DCLK2: variants seen among roughly 807,000 people sequenced by gnomAD.
The protein encoded by DCLK2 is serine/threonine-protein kinase DCLK2.
Under a neutral mutation model 78.4 loss-of-function variants are expected in DCLK2, and 31 were observed. The observed-to-expected ratio is 0.40, with a 90% CI of 0.30 to 0.53. The LOEUF is 0.53. Ranked by LOEUF, DCLK2 falls within the 20% of genes least tolerant of loss-of-function variation. The pLI, the probability that DCLK2 is intolerant of heterozygous loss-of-function variation, is 0.61. For synonymous variants in DCLK2, 407 were observed against 374.9 expected, an observed-to-expected ratio of 1.09 and a Z score of -0.99; for missense variants, 872 against 973.7, an observed-to-expected ratio of 0.90 and a Z score of 1.39.
chr4:150,130,969 A>ATGT (rs1733270360), intron 2 of DCLK2, among the ~76,000 whole-genome samples: 1 of 152,174 alleles, frequency 6.6e-6, no homozygotes, highest in East Asian at 1.9e-4. Flanking sequence ...GGGCCACTAA[A>ATGT]TGTTGAACAA....
intron 2 of DCLK2, among the ~76,000 whole-genome samples, chr4:150,112,241 G>A (rs566619938): frequency 1.7e-4 from 26 of 152,102 alleles, no homozygotes; most frequent in Admixed American, 2.6e-4. Context: ...ATAAAGGATT[G>A]GAGTCTTGAT....
intron 15 of DCLK2, chr4:150,253,150 G>C (rs1744307657): frequency 2.1e-6 from 1 of 467,098 alleles, no homozygotes; most frequent in Admixed American, 2.4e-5. Context: ...TGTGTGTCCT[G>C]TCTTCGGAAC....
intron 2 of DCLK2, among the ~76,000 whole-genome samples, chr4:150,111,739 C>G (rs1186641676): frequency 1.3e-5 from 2 of 152,082 alleles, no homozygotes; most frequent in Non-Finnish European, 2.9e-5. Flanking sequence ...AAAAGGGTTT[C>G]CTTTCCCCAG....
chr4:150,106,692 G>C (rs1731280566), intron 2 of DCLK2, among the ~76,000 whole-genome samples: 1 of 152,156 alleles, frequency 6.6e-6, no homozygotes, highest in Admixed American at 6.5e-5. Flanking sequence ...GTTTTAAGGG[G>C]CTGGTTATCC....
intron 5 of DCLK2, among the ~76,000 whole-genome samples, chr4:150,211,631 A>G (rs1740327726): frequency 6.6e-6 from 1 of 152,142 alleles, no homozygotes; most frequent in Admixed American, 6.5e-5. Flanking sequence ...GAGGGCTGCC[A>G]GAGTCTCACC....
intron 15 of DCLK2, among the ~76,000 whole-genome samples, chr4:150,254,982 A>G (rs571781500): frequency 7.2e-5 from 11 of 152,258 alleles, no homozygotes; most frequent in Non-Finnish European, 1.0e-4. Flanking sequence ...CCGGCCAGAA[A>G]TGGATGACTG....
At chr4:150,085,839 C>T (rs1037569669) in intron 1 of DCLK2, among the ~76,000 whole-genome samples, 3 of 152,176 alleles carry the variant, frequency 2.0e-5, no homozygotes, top group African/African-American at 7.2e-5. Context: ...GTTTATAAGT[C>T]ACTCTGTTTT....
intron 2 of DCLK2, among the ~76,000 whole-genome samples, chr4:150,171,555 G>A (rs1362706161): frequency 1.3e-5 from 2 of 152,196 alleles, no homozygotes; most frequent in Non-Finnish European, 1.5e-5. Flanking sequence ...TTTAGAAAAA[G>A]GTCAAAATTA....
intron 5 of DCLK2, 147 bp from the exon 6 acceptor site, chr4:150,220,556 G>C (rs1560882317): frequency 4.8e-6 from 3 of 619,562 alleles, no homozygotes; most frequent in Non-Finnish European, 8.7e-6. Context: ...TGTGCATAAG[G>C]AGAGAGGTGA....
At chr4:150,131,059 G>C (rs1390014876) in intron 2 of DCLK2, among the ~76,000 whole-genome samples, 1 of 152,050 alleles carries the variant, frequency 6.6e-6, no homozygotes, top group African/African-American at 2.4e-5. Flanking sequence ...ATCTTGCTTG[G>C]TTGCCCAGGC....
Position 150,078,918 on chromosome 4 carries a change from C to T in DCLK2, c.-110C>T. 4.5e-6 allele frequency: 6 copies of T among 1,342,060 alleles called. No individual in the cohort carries two copies. Among genetic ancestry groups the T allele is most frequent in the Non-Finnish European group, 5.9e-6 (6 of 1,022,486 alleles). The allele number at this position is 1,342,060 out of a possible 1,614,324, so 83.1% of individuals were successfully genotyped here. The stretch of plus-strand genomic sequence containing the variant: ...CGCGGAGAGGGCGGGATGCCAGAGC[C>T]AGGTGTCCCGGCGCGTTAAGGGCCC... On this transcript the variant is annotated 5_prime_UTR_variant, in exon 1 of 16. Transcript: ENST00000296550.
At chr4:150,130,330 A>T (rs1733216310) in intron 2 of DCLK2, among the ~76,000 whole-genome samples, 1 of 152,116 alleles carries the variant, frequency 6.6e-6, no homozygotes, top group Admixed American at 6.5e-5. Flanking sequence ...AGAAGACAGA[A>T]GTGTGAGCCA....
chr4:150,230,725 G>C lies in DCLK2; in HGVS notation c.1300-1612G>C, dbSNP rs1741984957. Among the ~76,000 whole-genome samples the C allele has an allele frequency of 4.6e-5, 7 of 152,278 alleles. No individual in the cohort carries two copies. In the South Asian group the frequency reaches 1.5e-3, roughly 32 times the overall value. The stretch of plus-strand genomic sequence containing the variant: ...AGTCTTTTGTCTTTGCAACCATGAG[G>C]GGCTGGCTGTACAGCTGCTTCCCAA... On this transcript the variant is annotated intron_variant, in intron 8 of 15. Transcript: ENST00000296550.
intron 1 of DCLK2, among the ~76,000 whole-genome samples, chr4:150,089,855 T>C (rs905461599): frequency 2.0e-5 from 3 of 152,192 alleles, no homozygotes; most frequent in African/African-American, 4.8e-5. Flanking sequence ...CTGAGTTAGG[T>C]ATGCTGTATG....
At chr4:150,252,808 C>T (rs576623657) in intron 15 of DCLK2, among the ~76,000 whole-genome samples, 3 of 152,236 alleles carry the variant, frequency 2.0e-5, no homozygotes, top group African/African-American at 7.2e-5. Context: ...CAGGGTGTCC[C>T]CTCTAACCCC....
rs373477643 is a variant in DCLK2, at chr4:150,247,774, G to A, written c.1875+75G>A. On this transcript the variant is annotated intron_variant, in intron 13 of 15. Coordinates refer to ENST00000296550, the MANE Select transcript of DCLK2 (RefSeq NM_001040260.4). ...ACCCATTGCACAGGGCTGTAGCTGC[G>A]CTAGGTATTGCATTCCAGAAAGCTC... The A allele has an allele frequency of 1.0e-4, 120 of 1,151,472 alleles. No homozygotes were observed. In the East Asian group the frequency reaches 1.6e-3, roughly 16 times the overall value. The allele number at this position is 1,151,472 out of a possible 1,614,324, so 71.3% of individuals were successfully genotyped here.
intron 12 of DCLK2, among the ~76,000 whole-genome samples, chr4:150,243,685 C>G (rs1198978314): frequency 6.6e-6 from 1 of 151,892 alleles, no homozygotes; most frequent in Admixed American, 6.6e-5. Context: ...TCAGGCTTTT[C>G]AGGTTTTAGT....
intron 2 of DCLK2, among the ~76,000 whole-genome samples, chr4:150,106,290 T>C (rs944564486): frequency 2.6e-5 from 4 of 152,096 alleles, no homozygotes; most frequent in African/African-American, 4.8e-5. Context: ...TACTATGACA[T>C]CTGCAAACCT....
rs537466868 is a variant in DCLK2 at position 150,172,497 on chromosome 4, C to T, written c.757-20641C>T. Among the ~76,000 whole-genome samples the T allele has an allele frequency of 3.3e-5, 5 of 150,700 alleles. No homozygotes were observed. In the South Asian group the frequency reaches 1.0e-3, roughly 32 times the overall value. On this transcript the variant is annotated intron_variant, in intron 2 of 15. Transcript: ENST00000296550. ...TGGCGGGCGCCTGTAGTCTTAGCTA[C>T]TCAGGAGGCTGAGGCAGGAGAATGG...
Sources: gnomAD v4.1 joint callset for allele counts (sites outside exome capture counted in the v4.1 genomes callset) on GRCh38, gnomAD v4.1.1 for gene constraint, MANE v1.5 for transcripts, NCBI Gene and HGNC (gene_info 2026-07-23, HGNC 2026-07-21) for gene names.